FRMD4A: variants seen among roughly 807,000 people sequenced by gnomAD.
The protein encoded by FRMD4A is FERM domain-containing protein 4A.
A neutral mutation model predicts 129.1 loss-of-function variants in FRMD4A; 29 were observed. The ratio of observed to expected loss-of-function variants is 0.22; its 90% CI spans 0.17 to 0.31. The LOEUF (loss-of-function observed/expected upper bound fraction) is 0.31, where lower values mean the gene tolerates loss of function less well. Among genes scored for constraint, FRMD4A ranks in the 10% least tolerant of loss-of-function variants. The pLI, the probability that FRMD4A is intolerant of heterozygous loss-of-function variation, is 1.00. For missense variants in FRMD4A, 1,272 were observed against 1,375.8 expected (o/e 0.92, Z 1.19); for synonymous variants, 634 against 571.6 (o/e 1.11, Z -1.56).
chr10:14,106,268 C>A (rs1463955024), intron 2 of FRMD4A, among the ~76,000 whole-genome samples: 1 of 151,966 alleles, frequency 6.6e-6, no homozygotes, highest in African/African-American at 2.4e-5. Flanking sequence ...ATTGTCTGAC[C>A]CCAGGAATAA....
intron 2 of FRMD4A, among the ~76,000 whole-genome samples, chr10:13,964,715 A>G (rs958406218): frequency 6.9e-6 from 1 of 144,868 alleles, no homozygotes; most frequent in Non-Finnish European, 1.5e-5. Flanking sequence ...CTCTGTCACC[A>G]GGCTGGAGTG....
intron 2 of FRMD4A, among the ~76,000 whole-genome samples, chr10:13,944,645 T>G (rs931471971): frequency 1.3e-5 from 2 of 152,118 alleles, no homozygotes; most frequent in Non-Finnish European, 2.9e-5. Context: ...CAGGTCTGCA[T>G]AAGATTCAAG....
At position 14,261,987 on chromosome 10, in the gene FRMD4A, C is replaced by CACACACA. The variant is rs3222480; in HGVS notation, c.45+68070_45+68071insTGTGTGT. ...ACACACACACACACACACACACACACCTCATTTTCCCTAGTTCCCCTCTCT... is the reference window on the plus strand; with the variant it reads ...ACACACACACACACACACACACACACACACACACTCATTTTCCCTAGTTCCCCTCTCT... On this transcript the variant is annotated intron_variant, in intron 2 of 24. Coordinates refer to ENST00000357447, the MANE Select transcript of FRMD4A (RefSeq NM_018027.5). Among the ~76,000 whole-genome samples the CACACACA allele has an allele frequency of 2.5e-4, 37 of 146,208 alleles. No individual in the cohort carries two copies. In the East Asian group the frequency reaches 4.0e-3, roughly 16 times the overall value.
At chr10:14,189,755 A>T (rs1263833063) in intron 2 of FRMD4A, among the ~76,000 whole-genome samples, 1 of 152,200 alleles carries the variant, frequency 6.6e-6, no homozygotes, top group African/African-American at 2.4e-5. Context: ...AGAGCCCATA[A>T]ACTTCTGACT....
At chr10:13,782,846 G>T (rs2092770821) in intron 6 of FRMD4A, 76 bp downstream of exon 6, 1 of 786,620 alleles carries the variant, frequency 1.3e-6, no homozygotes, top group Non-Finnish European at 2.4e-6. Flanking sequence ...GGCCTAAGGG[G>T]TAACACTTTG....
chr10:13,749,849 C>T (rs894034004), intron 8 of FRMD4A, among the ~76,000 whole-genome samples: 2 of 151,504 alleles, frequency 1.3e-5, no homozygotes, highest in Non-Finnish European at 2.9e-5. Flanking sequence ...ATTAGCCATG[C>T]ACAGTGATGC....
intron 4 of FRMD4A, among the ~76,000 whole-genome samples, chr10:13,798,195 G>C (rs1021973311): frequency 1.3e-5 from 2 of 152,196 alleles, no homozygotes; most frequent in African/African-American, 4.8e-5. Flanking sequence ...CGGATCACTT[G>C]AGGTCTGGAG....
chr10:13,953,316 T>C (rs938594102), intron 2 of FRMD4A, among the ~76,000 whole-genome samples: 1 of 152,198 alleles, frequency 6.6e-6, no homozygotes, highest in African/African-American at 2.4e-5. Flanking sequence ...TAAAGGGAGC[T>C]ATGGCACGAT....
chr10:14,044,799 C>T (rs1041372368), intron 2 of FRMD4A, among the ~76,000 whole-genome samples: 1 of 152,202 alleles, frequency 6.6e-6, no homozygotes, highest in East Asian at 1.9e-4. Context: ...CCACCATAAC[C>T]TTCATAGAAC....
At chr10:13,666,563 G>T (rs184357599) in intron 17 of FRMD4A, among the ~76,000 whole-genome samples, 7 of 152,302 alleles carry the variant, frequency 4.6e-5, no homozygotes, top group Non-Finnish European at 8.8e-5. Context: ...GCTGAGAACA[G>T]AGTTCCCACG....
intron 3 of FRMD4A, among the ~76,000 whole-genome samples, chr10:13,838,568 C>T (rs577859236): frequency 5.5e-4 from 83 of 152,182 alleles, no homozygotes; most frequent in African/African-American, 1.8e-3. Flanking sequence ...TCTTGCCCCA[C>T]TGCAACCTCT....
intron 2 of FRMD4A, among the ~76,000 whole-genome samples, chr10:14,297,055 T>C (rs1187080598): frequency 6.6e-6 from 1 of 152,102 alleles, no homozygotes; most frequent in Admixed American, 6.6e-5. Context: ...GAAACCTATT[T>C]GTCATCTCCC....
chr10:13,951,274 C>T (rs937348332), intron 2 of FRMD4A, among the ~76,000 whole-genome samples: 6 of 151,852 alleles, frequency 4.0e-5, no homozygotes, highest in African/African-American at 1.2e-4. Flanking sequence ...GGTGAGGATG[C>T]GGGGCGCCAG....
intron 2 of FRMD4A, among the ~76,000 whole-genome samples, chr10:14,310,844 A>C (rs147765745): frequency 2.0e-5 from 3 of 152,260 alleles, no homozygotes; most frequent in African/African-American, 7.2e-5. Flanking sequence ...AAACCCATTC[A>C]GGACCCCTCT....
intron 3 of FRMD4A, among the ~76,000 whole-genome samples, chr10:13,822,660 A>T (rs2093646895): frequency 1.3e-5 from 2 of 152,150 alleles, no homozygotes; most frequent in African/African-American, 4.8e-5. Context: ...GCCAGATGGG[A>T]CCAGGTGTCG....
intron 2 of FRMD4A, among the ~76,000 whole-genome samples, chr10:13,918,158 T>C (rs2095031287): frequency 6.6e-6 from 1 of 152,218 alleles, no homozygotes; most frequent in Non-Finnish European, 1.5e-5. Flanking sequence ...TATTTGTCCA[T>C]TGTCTGTTTC....
chr10:13,663,881 C>A (rs1261768218), intron 18 of FRMD4A, among the ~76,000 whole-genome samples: 6 of 152,228 alleles, frequency 3.9e-5, no homozygotes, highest in African/African-American at 1.4e-4. Flanking sequence ...CCAAAGGACG[C>A]AAACTGCTTT....
intron 17 of FRMD4A, chr10:13,667,680 C>T (rs180858246): frequency 2.6e-5 from 4 of 152,312 alleles, no homozygotes; most frequent in Admixed American, 2.6e-4. Flanking sequence ...TCAGATTGTT[C>T]ATTTTTCTAT....
intron 2 of FRMD4A, among the ~76,000 whole-genome samples, chr10:13,869,809 A>T (rs997416934): frequency 6.6e-6 from 1 of 152,180 alleles, no homozygotes; most frequent in Non-Finnish European, 1.5e-5. Flanking sequence ...CATTATCAGG[A>T]TTTTAACCCA....
Sources: allele counts gnomAD v4.1 joint callset (sites outside exome capture counted in the v4.1 genomes callset), GRCh38; gene constraint gnomAD v4.1.1; transcripts MANE v1.5; gene names NCBI Gene and HGNC (gene_info 2026-07-23, HGNC 2026-07-21).